The following CLSTN3 variants were observed in gnomAD, a reference collection of about 807,000 sequenced individuals.
The protein encoded by CLSTN3 is calsyntenin-3.
In CLSTN3, 36 loss-of-function variants were observed where a neutral mutation model predicts 95.9. The observed-to-expected ratio is 0.38, with a 90% CI of 0.29 to 0.50. The LOEUF is 0.50. Ranked by LOEUF, CLSTN3 falls within the 20% of genes least tolerant of loss-of-function variation. CLSTN3 has a pLI of 0.95. For missense variants in CLSTN3, 1,084 were observed against 1,268.8 expected, an observed-to-expected ratio of 0.85 and a Z score of 2.21; for synonymous variants, 481 against 504.0, an observed-to-expected ratio of 0.95 and a Z score of 0.61.
At chr12:7,136,537 CA>C (rs2135798284) in intron 6 of CLSTN3, 146 bp downstream of exon 6, 1 of 884,262 alleles carries the variant, frequency 1.1e-6, no homozygotes. Flanking sequence ...ATTTGCGGCC[CA>C]AAAGGCAGGT....
At position 7,141,290 on chromosome 12, in the gene CLSTN3, A is replaced by G. The variant is rs1343916832; in HGVS notation, c.1372A>G (p.Thr458Ala). ...CTACGCTCTGAACCTCGAGTTCCCC[A>G]CAGTCACACTCTATACCGACGGCAT... is the stretch of plus-strand genomic sequence containing the variant. ...HHYALNLEFP[T>A]VTLYTDGISF... The change falls in exon 9 of 18, where the codon ACA (threonine) becomes GCA (alanine). Residue 458 changes from threonine to alanine, a missense_variant. Transcript: ENST00000266546. The surrounding 1 kb of genome is among the most constrained non-coding windows in gnomAD (Gnocchi z 4.1). 1.2e-6 allele frequency: 2 copies of G among 1,614,142 alleles called. No individual in the cohort carries two copies. The highest frequency in any genetic ancestry group is 3.3e-5 in the Admixed American group (2 of 60,012).
Position 7,157,644 on chromosome 12 carries a change from C to T in CLSTN3, c.2683C>T (p.Leu895Phe). ...CTCCAGTGACCCCAAGGACCCAGAC[C>T]TCTTCTGGGATGACTCAGCTCTCAC... The part of the protein sequence containing the change: ...GASSDPKDPD[L>F]FWDDSALTII... The change falls in exon 17 of 18, where the codon CTC becomes TTC. Residue 895 changes from leucine (L) to phenylalanine (F), a missense_variant. By Grantham distance (22) the Leu-to-Phe change is conservative. Coordinates refer to ENST00000266546, the MANE Select transcript of CLSTN3 (RefSeq NM_014718.4). This position sits in a 1 kb window ranked among gnomAD's most constrained non-coding sequence, Gnocchi z 5.9. 1 of 1,607,800 alleles carries T rather than the reference C, an allele frequency of 6.2e-7. No homozygotes were observed. The highest frequency in any genetic ancestry group is 8.5e-7 in the Non-Finnish European group (1 of 1,177,070).
rs921317012 is a variant in CLSTN3, at chr12:7,158,602, C to T, written c.*521C>T. The T allele has an allele frequency of 1.2e-4, 19 of 152,488 alleles. No homozygotes were observed. Among genetic ancestry groups the T allele is most frequent in the Non-Finnish European group, 1.5e-4 (10 of 68,322 alleles). The allele number at this position is 152,488 out of a possible 1,614,324, so 9.4% of individuals were successfully genotyped here. A position where few individuals can be genotyped will look rare whatever the true frequency, so the allele number is the denominator to read the frequency against. On this transcript the variant is annotated 3_prime_UTR_variant, in exon 18 of 18. Coordinates refer to ENST00000266546, the MANE Select transcript of CLSTN3 (RefSeq NM_014718.4). ...TTTCAGTCTGGGGACCCCATTTCTCCCTCCTTTCCAACTTCCTTCCTTTCT... is the reference window on the plus strand; with the variant it reads ...TTTCAGTCTGGGGACCCCATTTCTCTCTCCTTTCCAACTTCCTTCCTTTCT...
Position 7,133,712 on chromosome 12 carries a change from C to T in CLSTN3, c.327C>T (p.Ile109=), listed in dbSNP as rs776397587. ...CEAQKEHTFT[I]QAYDCGEGPD... The stretch of plus-strand genomic sequence containing the variant: ...CCCAGAAGGAACACACCTTCACCAT[C>T]CAGGCCTATGACTGTGGCGAGGGCC... Residue 109 remains isoleucine, a synonymous_variant, in exon 3 of 18, where the codon ATC becomes ATT. Coordinates refer to ENST00000266546, the MANE Select transcript of CLSTN3 (RefSeq NM_014718.4). The surrounding 1 kb of genome is among the most constrained non-coding windows in gnomAD (Gnocchi z 4.7). 1 of 1,612,982 alleles carries T rather than the reference C, an allele frequency of 6.2e-7. No homozygotes were observed. The highest frequency in any genetic ancestry group is 1.3e-5 in the African/African-American group (1 of 74,992).
rs778209104 is a variant in CLSTN3 at position 7,141,289 on chromosome 12, C to T, written c.1371C>T (p.Pro457=). 1.9e-6 allele frequency: 3 copies of T among 1,614,176 alleles called. No homozygotes were observed. Among genetic ancestry groups the T allele is most frequent in the East Asian group, 4.5e-5 (2 of 44,870 alleles). ...WHHYALNLEF[P]TVTLYTDGIS... ...ACTACGCTCTGAACCTCGAGTTCCC[C>T]ACAGTCACACTCTATACCGACGGCA... Residue 457 remains proline (P), a synonymous_variant, in exon 9 of 18, where the codon CCC becomes CCT. Transcript: ENST00000266546. This position sits in a 1 kb window ranked among gnomAD's most constrained non-coding sequence, Gnocchi z 4.1.
intron 1 of CLSTN3, 96 bp from the exon 2 acceptor site, chr12:7,132,928 T>TG: frequency 3.2e-6 from 5 of 1,549,152 alleles, no homozygotes; most frequent in Non-Finnish European, 4.4e-6. Context: ...AAGGTGATGG[T>TG]GCTGGGGTGT....
At position 7,149,674 on chromosome 12, in the gene CLSTN3, T is replaced by C. The variant is rs755216726; in HGVS notation, c.2226T>C (p.Ser742=). 6.2e-7 allele frequency: 1 copy of C among 1,613,978 alleles called. No homozygotes were observed. Among genetic ancestry groups the C allele is most frequent in the Non-Finnish European group, 8.5e-7 (1 of 1,179,898 alleles). The change falls in exon 14 of 18, where the codon TCT becomes TCC. Residue 742 remains serine, a synonymous_variant. Coordinates refer to ENST00000266546, the MANE Select transcript of CLSTN3 (RefSeq NM_014718.4). The surrounding 1 kb of genome is among the most constrained non-coding windows in gnomAD (Gnocchi z 4.5). ...QQRGLELTNT[S]AYLTIAGVES... is the part of the protein sequence containing the mutation. ...GGGGGCTGGAGCTCACCAACACATC[T>C]GCCTACCTCACTATTGCTGGTCAGT...
At chr12:7,129,699 A>G (rs928772999), upstream of CLSTN3, 15 of 985,486 alleles carry the variant, frequency 1.5e-5, no homozygotes, top group Admixed American at 6.1e-5. This position sits in a 1 kb window ranked among gnomAD's most constrained non-coding sequence, Gnocchi z 5.5. Context: ...CAGCTGCCCA[A>G]TTCTCTCTCG....
At chr12:7,130,315 C>CCCCCG, upstream of CLSTN3, 1 of 992,712 alleles carries the variant, frequency 1.0e-6, no homozygotes, top group Non-Finnish European at 1.3e-6. Flanking sequence ...CCCCCCCCTC[C>CCCCCG]CAGTCACCTG....
intron 10 of CLSTN3, 126 bp from the exon 11 acceptor site, chr12:7,142,743 A>G: frequency 3.0e-6 from 1 of 337,260 alleles, no homozygotes; most frequent in South Asian, 6.7e-5. Context: ...TTTGGTTTCC[A>G]CATTTCTCCT....
At position 7,133,703 on chromosome 12, in the gene CLSTN3, C is replaced by T. The variant is rs375794985; in HGVS notation, c.318C>T (p.Thr106=). The T allele has an allele frequency of 6.2e-7, 1 of 1,613,812 alleles. No individual in the cohort carries two copies. The highest frequency in any genetic ancestry group is 1.1e-5 in the South Asian group (1 of 91,052). ...PVDCEAQKEH[T]FTIQAYDCGE... ...ACTGCGAGGCCCAGAAGGAACACACCTTCACCATCCAGGCCTATGACTGTG... is the reference window on the plus strand; with the variant it reads ...ACTGCGAGGCCCAGAAGGAACACACTTTCACCATCCAGGCCTATGACTGTG... Residue 106 remains threonine (T), a synonymous_variant, in exon 3 of 18, where the codon ACC becomes ACT. Transcript: ENST00000266546. This position sits in a 1 kb window ranked among gnomAD's most constrained non-coding sequence, Gnocchi z 4.7.
chr12:7,132,748 A>T, intron 1 of CLSTN3: 2 of 595,526 alleles, frequency 3.4e-6, no homozygotes, highest in Non-Finnish European at 6.0e-6. Context: ...GTTCCCATGG[A>T]GATAGTGATC....
chr12:7,155,721 G>A (rs1939803558), intron 16 of CLSTN3, among the ~76,000 whole-genome samples: 1 of 152,264 alleles, frequency 6.6e-6, no homozygotes, highest in Non-Finnish European at 1.5e-5. Context: ...TCTTCACCTT[G>A]GAACCAGTGT....
chr12:7,148,216 T>G (rs190967217), intron 12 of CLSTN3, among the ~76,000 whole-genome samples: 136 of 131,514 alleles, frequency 1.0e-3, no homozygotes, highest in African/African-American at 2.9e-3. Context: ...AAGAAAGAAA[T>G]GTGGGAAAAT....
Position 7,157,406 on chromosome 12 carries a change from C to A in CLSTN3, c.2528-83C>A, listed in dbSNP as rs1350294478. ...CCTGGGAGTCCTTCAGCCCGGGCTG[C>A]CTCTTTTCCTACCCAGCCCCCTGTC... On this transcript the variant is annotated intron_variant, in intron 16 of 17. Transcript: ENST00000266546. This position sits in a 1 kb window ranked among gnomAD's most constrained non-coding sequence, Gnocchi z 5.9. 7.2e-6 allele frequency: 9 copies of A among 1,256,888 alleles called. No individual in the cohort carries two copies. Among genetic ancestry groups the A allele is most frequent in the Non-Finnish European group, 9.8e-6 (9 of 921,464 alleles). 77.9% of individuals were successfully genotyped at this position (1,256,888 alleles called of 1,614,324 possible). A position where few individuals can be genotyped will look rare whatever the true frequency, so the allele number is the denominator to read the frequency against.
At position 7,133,526 on chromosome 12, in the gene CLSTN3, G is replaced by A. The variant is rs2135794418; in HGVS notation, c.188-47G>A. On this transcript the variant is annotated intron_variant, in intron 2 of 17. Transcript: ENST00000266546. This position sits in a 1 kb window ranked among gnomAD's most constrained non-coding sequence, Gnocchi z 4.7. ...CCCCAGGTGGGGAGACTGAGGGTGGGGAAGGAGACACAGCAGCCTCACTCC... is the reference window on the plus strand; with the variant it reads ...CCCCAGGTGGGGAGACTGAGGGTGGAGAAGGAGACACAGCAGCCTCACTCC... 6.3e-7 allele frequency: 1 copy of A among 1,590,902 alleles called. No individual in the cohort carries two copies. The highest frequency in any genetic ancestry group is 1.3e-5 in the African/African-American group (1 of 74,572).
chr12:7,144,181 C>T (rs766293246), intron 12 of CLSTN3, among the ~76,000 whole-genome samples: 4 of 144,892 alleles, frequency 2.8e-5, no homozygotes, highest in East Asian at 4.1e-4. Context: ...TTCAGTGAGC[C>T]GAGATTGCAC....
chr12:7,132,874 C>T (rs767745896), intron 1 of CLSTN3, 150 bp from the exon 2 acceptor site: 23 of 1,042,910 alleles, frequency 2.2e-5, no homozygotes, highest in Non-Finnish European at 3.2e-5. Context: ...ATTTCTTGTC[C>T]TCAACCACCC....
Position 7,135,246 on chromosome 12 carries a change from C to G in CLSTN3, c.384-81C>G, listed in dbSNP as rs1434950114. On this transcript the variant is annotated intron_variant, in intron 3 of 17. Coordinates refer to ENST00000266546, the MANE Select transcript of CLSTN3 (RefSeq NM_014718.4). ...CGTATCGAGGCTGTACCTCGGTGTG[C>G]TGTATCAAGGCTGTATCTCAATGTA... 7.5e-6 allele frequency: 10 copies of G among 1,335,416 alleles called. No homozygotes were observed. In the East Asian group the frequency reaches 1.9e-4, roughly 25 times the overall value. The allele number at this position is 1,335,416 out of a possible 1,614,324, so 82.7% of individuals were successfully genotyped here. A position where few individuals can be genotyped will look rare whatever the true frequency, so the allele number is the denominator to read the frequency against.
Sources: gnomAD v4.1 joint callset for allele counts (sites outside exome capture counted in the v4.1 genomes callset) on GRCh38, gnomAD v4.1.1 for gene constraint, Gnocchi (gnomAD v3.1) non-coding constraint, MANE v1.5 for transcripts, NCBI Gene and HGNC (gene_info 2026-07-23, HGNC 2026-07-21) for gene names.